Variants in CSGALNACT1 observed in about 807,000 individuals in gnomAD.
CSGALNACT1 encodes chondroitin sulfate N-acetylgalactosaminyltransferase 1, also known as beta4GalNAcT-1.
In CSGALNACT1, 52 loss-of-function variants were observed where a neutral mutation model predicts 51.0. The observed-to-expected ratio is 1.02, with a 90% confidence interval of 0.82 to 1.29. CSGALNACT1 has a LOEUF of 1.29. Ranked by LOEUF, CSGALNACT1 falls within the 50% of genes most tolerant of loss-of-function variation. CSGALNACT1 has a pLI of 0.00. For missense variants in CSGALNACT1, 935 were observed against 679.2 expected (o/e 1.38, Z -4.19); for synonymous variants, 341 against 254.4 (o/e 1.34, Z -3.24).
chr8:19,509,714 C>G (rs1310539626), intron 3 of CSGALNACT1, among the ~76,000 whole-genome samples: 1 of 150,012 alleles, frequency 6.7e-6, no homozygotes, highest in African/African-American at 2.4e-5. Context: ...TGGACCAATA[C>G]ATACCTAAGC....
At chr8:19,423,648 C>CT (rs911740877) in intron 6 of CSGALNACT1, among the ~76,000 whole-genome samples, 31 of 151,568 alleles carry the variant, frequency 2.0e-4, no homozygotes, top group African/African-American at 6.3e-4. Context: ...TTTGGAAGAA[C>CT]TTTTTTTTTA....
intron 1 of CSGALNACT1, among the ~76,000 whole-genome samples, chr8:19,643,543 CAA>C (rs2056954696): frequency 6.6e-6 from 1 of 151,270 alleles, no homozygotes; most frequent in African/African-American, 2.4e-5. Flanking sequence ...GAGGCTAAGA[CAA>C]AAGAGTTGCT....
intron 1 of CSGALNACT1, among the ~76,000 whole-genome samples, chr8:19,722,653 A>G (rs2063188654): frequency 6.6e-6 from 1 of 152,206 alleles, no homozygotes; most frequent in African/African-American, 2.4e-5. Context: ...AGGGGACCTC[A>G]CAGCCCTGGC....
chr8:19,482,183 T>C (rs1006029842), intron 4 of CSGALNACT1, among the ~76,000 whole-genome samples: 1 of 152,200 alleles, frequency 6.6e-6, no homozygotes, highest in African/African-American at 2.4e-5. Context: ...AAACAGAATG[T>C]TCGGTGATAA....
intron 4 of CSGALNACT1, among the ~76,000 whole-genome samples, chr8:19,476,600 C>T (rs927543818): frequency 1.3e-5 from 2 of 152,118 alleles, no homozygotes; most frequent in African/African-American, 4.8e-5. Flanking sequence ...AATGTCCCCT[C>T]CTCTTGAATC....
intron 3 of CSGALNACT1, among the ~76,000 whole-genome samples, chr8:19,535,908 A>C (rs1473888381): frequency 6.6e-6 from 1 of 152,188 alleles, no homozygotes; most frequent in East Asian, 1.9e-4. Flanking sequence ...CATTCCTTTC[A>C]GACTGGGAAC....
chr8:19,441,138 A>G (rs995539739), intron 5 of CSGALNACT1, among the ~76,000 whole-genome samples: 2 of 152,216 alleles, frequency 1.3e-5, no homozygotes, highest in African/African-American at 2.4e-5. Context: ...AAATGGTCAT[A>G]CTGCCCAAGG....
At chr8:19,421,990 T>A (rs1337348573) in intron 6 of CSGALNACT1, among the ~76,000 whole-genome samples, 1 of 152,118 alleles carries the variant, frequency 6.6e-6, no homozygotes, top group South Asian at 2.1e-4. Flanking sequence ...TCTGAATGAG[T>A]GTATGAATGT....
At chr8:19,587,021 A>G (rs1390419503) in intron 3 of CSGALNACT1, among the ~76,000 whole-genome samples, 1 of 152,204 alleles carries the variant, frequency 6.6e-6, no homozygotes, top group Non-Finnish European at 1.5e-5. Context: ...GGTTTCCTGG[A>G]AGGTCAGTAT....
intron 3 of CSGALNACT1, among the ~76,000 whole-genome samples, chr8:19,513,428 C>CTATATATATATATA (rs1369189523): frequency 1.2e-5 from 1 of 82,890 alleles, no homozygotes; most frequent in Non-Finnish European, 2.5e-5. Context: ...CTCTCTCTCT[C>CTATATATATATATA]TCTCTCTCTA....
intron 1 of CSGALNACT1, among the ~76,000 whole-genome samples, chr8:19,701,669 C>T (rs937740014): frequency 9.2e-5 from 14 of 152,080 alleles, no homozygotes; most frequent in African/African-American, 2.9e-4. Context: ...ATAATGATGA[C>T]GATGATCACA....
At chr8:19,740,053 G>A (rs1779626288) in intron 1 of CSGALNACT1, among the ~76,000 whole-genome samples, 1 of 152,126 alleles carries the variant, frequency 6.6e-6, no homozygotes, top group Non-Finnish European at 1.5e-5. Context: ...TGTGGATGAT[G>A]CATTTAAGTC....
At chr8:19,736,705 T>C (rs1189662230) in intron 1 of CSGALNACT1, among the ~76,000 whole-genome samples, 2 of 151,542 alleles carry the variant, frequency 1.3e-5, no homozygotes, top group African/African-American at 4.9e-5. Flanking sequence ...GCTGAAAAAA[T>C]TACCCAGCGA....
At chr8:19,613,999 A>G (rs772869747) in intron 1 of CSGALNACT1, among the ~76,000 whole-genome samples, 10 of 152,150 alleles carry the variant, frequency 6.6e-5, no homozygotes, top group Non-Finnish European at 5.9e-5. Flanking sequence ...CGATCAAGTG[A>G]CTCTGGAAAA....
At chr8:19,638,282 G>A (rs1042110205) in intron 1 of CSGALNACT1, among the ~76,000 whole-genome samples, 1 of 152,104 alleles carries the variant, frequency 6.6e-6, no homozygotes, top group Non-Finnish European at 1.5e-5. Flanking sequence ...TGCCTCAACT[G>A]TGTCTGCTGC....
chr8:19,575,807 G>A (rs757901848), intron 3 of CSGALNACT1, among the ~76,000 whole-genome samples: 26 of 151,888 alleles, frequency 1.7e-4, no homozygotes, highest in African/African-American at 5.6e-4. Context: ...TAAAAGTTGC[G>A]GAGGCTTAGA....
intron 4 of CSGALNACT1, among the ~76,000 whole-genome samples, chr8:19,467,218 C>A (rs1048236355): frequency 6.9e-6 from 1 of 145,806 alleles, no homozygotes; most frequent in African/African-American, 2.5e-5. Context: ...CTCTCGGTTT[C>A]ACAGTATTCT....
chr8:19,585,218 G>C (rs1423795277), intron 3 of CSGALNACT1: 1 of 152,224 alleles, frequency 6.6e-6, no homozygotes, highest in Non-Finnish European at 1.5e-5. Flanking sequence ...GCACTGCTAA[G>C]AGAACGCAGC....
chr8:19,726,921 G>T (rs1332434525), intron 1 of CSGALNACT1, among the ~76,000 whole-genome samples: 1 of 152,184 alleles, frequency 6.6e-6, no homozygotes, highest in Non-Finnish European at 1.5e-5. Context: ...TGAGAACTAA[G>T]GCAGTTCTAG....
Sources: gnomAD v4.1 joint callset for allele counts (sites outside exome capture counted in the v4.1 genomes callset) on GRCh38, gnomAD v4.1.1 for gene constraint, MANE v1.5 for transcripts, NCBI Gene and HGNC (gene_info 2026-07-23, HGNC 2026-07-21) for gene names.